Variants in TYR observed in about 807,000 individuals in gnomAD.
TYR encodes the protein LB24-AB.
TYR carries 58 observed loss-of-function variants against 51.5 expected under a neutral mutation model. The observed-to-expected ratio is 1.13, with a 90% CI of 0.91 to 1.40. The LOEUF (loss-of-function observed/expected upper bound fraction) is 1.40, where lower values mean the gene tolerates loss of function less well. Among genes scored for constraint, TYR ranks in the 40% most tolerant of loss-of-function variants. TYR has a pLI of 0.00. For synonymous variants in TYR, 263 were observed against 235.2 expected (o/e 1.12, Z -1.08); for missense variants, 732 against 647.4 (o/e 1.13, Z -1.42).
intron 2 of TYR, among the ~76,000 whole-genome samples, chr11:89,210,336 T>C (rs1011062904): frequency 7.3e-5 from 11 of 149,808 alleles, no homozygotes; most frequent in Admixed American, 2.0e-4. Flanking sequence ...CAAGCTTCAA[T>C]AGCAGATTCA....
intron 3 of TYR, among the ~76,000 whole-genome samples, chr11:89,229,346 A>G (rs993998675): frequency 6.6e-6 from 1 of 152,084 alleles, no homozygotes; most frequent in African/African-American, 2.4e-5. Flanking sequence ...ACCCATACAT[A>G]AGAGAGAAAA....
intron 3 of TYR, among the ~76,000 whole-genome samples, chr11:89,249,335 G>A (rs917374004): frequency 2.0e-5 from 3 of 151,870 alleles, no homozygotes; most frequent in African/African-American, 7.3e-5. Flanking sequence ...CAGAAGAAAA[G>A]GAAGCAGTCT....
intron 2 of TYR, among the ~76,000 whole-genome samples, chr11:89,197,619 T>C (rs76725443): frequency 0.025 from 3,835 of 152,126 alleles, 172 homozygotes; most frequent in African/African-American, 0.088. Context: ...ATTAGTAGAA[T>C]GCAGAAAGAT....
intron 3 of TYR, among the ~76,000 whole-genome samples, chr11:89,247,066 A>G (rs1944275927): frequency 6.6e-6 from 1 of 152,250 alleles, no homozygotes; most frequent in Non-Finnish European, 1.5e-5. Flanking sequence ...TCTCTAAAGC[A>G]GAATTAATGC....
chr11:89,218,493 G>T (rs1943864490), intron 2 of TYR, among the ~76,000 whole-genome samples: 2 of 152,012 alleles, frequency 1.3e-5, no homozygotes. Context: ...TCTTGTCAAA[G>T]AAATTTTTAT....
intron 3 of TYR, among the ~76,000 whole-genome samples, chr11:89,232,595 T>A (rs1423073619): frequency 7.0e-6 from 1 of 142,190 alleles, no homozygotes; most frequent in East Asian, 2.0e-4. Flanking sequence ...ACCTAATGTA[T>A]AAGGTATACT....
At chr11:89,202,070 G>C (rs1368559666) in intron 2 of TYR, among the ~76,000 whole-genome samples, 1 of 143,798 alleles carries the variant, frequency 7.0e-6, no homozygotes. Context: ...GTGAGCCACA[G>C]TGACTTATAT....
At chr11:89,252,373 G>A (rs1221627448) in intron 3 of TYR, among the ~76,000 whole-genome samples, 1 of 151,676 alleles carries the variant, frequency 6.6e-6, no homozygotes, top group African/African-American at 2.4e-5. Context: ...TGGGGTTTTG[G>A]TCTCAATAAC....
chr11:89,243,297 G>A (rs1944223707), intron 3 of TYR, among the ~76,000 whole-genome samples: 1 of 151,874 alleles, frequency 6.6e-6, no homozygotes, highest in Non-Finnish European at 1.5e-5. Context: ...AGCATGTGTG[G>A]GCCACTCACT....
chr11:89,240,555 T>C (rs1944178805), intron 3 of TYR, among the ~76,000 whole-genome samples: 1 of 152,160 alleles, frequency 6.6e-6, no homozygotes, highest in African/African-American at 2.4e-5. Flanking sequence ...GTTTTAATGG[T>C]ACTTTTTTGC....
In TYR at chr11:89,191,215, G is replaced by A. The variant is rs753384336; in HGVS notation, c.833G>A (p.Arg278Gln). 55 of 1,613,298 alleles carry A rather than the reference G, an allele frequency of 3.4e-5. No individual in the cohort carries two copies. The highest frequency in any genetic ancestry group is 1.5e-4 in the Admixed American group (9 of 59,852). Residue 278 changes from arginine (R) to glutamine (Q), a missense_variant, in exon 2 of 5, where the codon CGA (arginine) becomes CAA (glutamine). Arg to Gln is a conservative substitution (Grantham distance 43). Coordinates refer to ENST00000263321, the MANE Select transcript of TYR (RefSeq NM_000372.5). ...FFSSWQIVCS[R>Q]LEEYNSHQSL... ...TGTTTTGTACAGATTGTCTGTAGCC[G>A]ATTGGAGGAGTACAACAGCCATCAG...
intron 1 of TYR, among the ~76,000 whole-genome samples, chr11:89,183,206 C>T (rs1943324756): frequency 6.6e-6 from 1 of 151,946 alleles, no homozygotes; most frequent in African/African-American, 2.4e-5. Context: ...TTAGGTTCAC[C>T]TTCCTCATTA....
Position 89,265,663 on chromosome 11 carries a change from T to G in TYR, c.1185-19110T>G, listed in dbSNP as rs531270889. Among the ~76,000 whole-genome samples, 5 of 152,210 alleles carry G rather than the reference T, an allele frequency of 3.3e-5. No homozygotes were observed. In the South Asian group the frequency reaches 1.0e-3, roughly 32 times the overall value. ...TGTTTGTTCTCAGAGGGGGTTTCAC[T>G]AGTCTCTCACTCTTCCACAAATTGT... On this transcript the variant is annotated intron_variant, in intron 3 of 4. Coordinates refer to ENST00000263321, the MANE Select transcript of TYR (RefSeq NM_000372.5).
intron 2 of TYR, among the ~76,000 whole-genome samples, chr11:89,210,279 C>A (rs922494272): frequency 6.6e-6 from 1 of 152,104 alleles, no homozygotes; most frequent in Non-Finnish European, 1.5e-5. Context: ...GCTTAAATGA[C>A]CTGCTGGAGC....
At chr11:89,268,670 G>T (rs777656949) in intron 3 of TYR, among the ~76,000 whole-genome samples, 2 of 151,576 alleles carry the variant, frequency 1.3e-5, no homozygotes, top group Non-Finnish European at 2.9e-5. Flanking sequence ...TAAAATCCAG[G>T]AACAGTTACT....
chr11:89,288,084 G>A (rs1944812971), intron 4 of TYR, among the ~76,000 whole-genome samples: 1 of 151,940 alleles, frequency 6.6e-6, no homozygotes, highest in Admixed American at 6.6e-5. Flanking sequence ...GTTATACAGT[G>A]AAATGAAGTT....
At chr11:89,218,707 T>C (rs935623858) in intron 2 of TYR, among the ~76,000 whole-genome samples, 1 of 152,220 alleles carries the variant, frequency 6.6e-6, no homozygotes, top group East Asian at 1.9e-4. Flanking sequence ...ATCTTAATTA[T>C]TCTTCTTAAA....
intron 2 of TYR, among the ~76,000 whole-genome samples, chr11:89,222,152 G>T (rs1200953022): frequency 1.3e-5 from 2 of 152,182 alleles, no homozygotes; most frequent in African/African-American, 4.8e-5. Context: ...TATAGAAGGT[G>T]AAAATTTCAT....
chr11:89,193,617 A>C (rs1943476902), intron 2 of TYR, among the ~76,000 whole-genome samples: 1 of 152,106 alleles, frequency 6.6e-6, no homozygotes, highest in African/African-American at 2.4e-5. Flanking sequence ...GAATCTTTCA[A>C]ATTGCATCTA....
Sources: allele counts gnomAD v4.1 joint callset (sites outside exome capture counted in the v4.1 genomes callset), GRCh38; gene constraint gnomAD v4.1.1; transcripts MANE v1.5; gene names NCBI Gene and HGNC (gene_info 2026-07-23, HGNC 2026-07-21).